The following TAOK3 variants were observed in gnomAD, a reference collection of about 807,000 sequenced individuals.
TAOK3 encodes the protein serine/threonine-protein kinase TAO3.
Under a neutral mutation model 120.4 loss-of-function variants are expected in TAOK3, and 40 were observed. That is an observed-to-expected ratio of 0.33 (90% CI 0.26 to 0.43). The LOEUF (loss-of-function observed/expected upper bound fraction) is 0.43, where lower values mean the gene tolerates loss of function less well. TAOK3 is among the 20% of genes least tolerant of loss of function. TAOK3 has a pLI of 1.00. For missense variants in TAOK3, 821 were observed against 1,112.1 expected, an observed-to-expected ratio of 0.74 and a Z score of 3.72; for synonymous variants, 355 against 387.5, an observed-to-expected ratio of 0.92 and a Z score of 0.99.
In TAOK3 at chr12:118,365,358, G is replaced by C. The variant is rs969321622; in HGVS notation, c.-194+7290C>G. On this transcript the variant is annotated intron_variant, in intron 1 of 20. Coordinates refer to ENST00000392533, the MANE Select transcript of TAOK3 (RefSeq NM_016281.4). Reference sequence around the variant, plus strand: ...AGTGATCCTCCCACCTTAGCCTCCTGAGGAGCTGGGATTAGAGGCGTGCAA... The same window carrying C: ...AGTGATCCTCCCACCTTAGCCTCCTCAGGAGCTGGGATTAGAGGCGTGCAA... 2.6e-5 allele frequency among the ~76,000 whole-genome samples: 4 copies of C among 151,938 alleles called. No individual in the cohort carries two copies. In the East Asian group the frequency reaches 7.8e-4, roughly 29 times the overall value.
At chr12:118,217,937 T>C (rs2039018052) in intron 9 of TAOK3, among the ~76,000 whole-genome samples, 1 of 142,594 alleles carries the variant, frequency 7.0e-6, no homozygotes, top group African/African-American at 2.6e-5. Flanking sequence ...CTAGGCTCAC[T>C]GCAACCTCTG....
intron 1 of TAOK3, among the ~76,000 whole-genome samples, chr12:118,273,636 A>G (rs1310766403): frequency 6.6e-6 from 1 of 152,168 alleles, no homozygotes; most frequent in Non-Finnish European, 1.5e-5. Context: ...TCAACATGGT[A>G]AAACCCGTCT....
At chr12:118,217,456 C>A (rs1237177488) in intron 9 of TAOK3, among the ~76,000 whole-genome samples, 3 of 151,958 alleles carry the variant, frequency 2.0e-5, no homozygotes, top group Non-Finnish European at 4.4e-5. Flanking sequence ...GGAGACTAAG[C>A]GGGCAGATCA....
chr12:118,248,733 A>C (rs2040623908), intron 3 of TAOK3, among the ~76,000 whole-genome samples: 1 of 152,150 alleles, frequency 6.6e-6, no homozygotes, highest in Non-Finnish European at 1.5e-5. Flanking sequence ...TTTGGACCTA[A>C]AAACATGAAA....
chr12:118,198,680 C>A, intron 13 of TAOK3: 1 of 257,048 alleles, frequency 3.9e-6, no homozygotes, highest in Non-Finnish European at 7.7e-6. Flanking sequence ...AGCCACCACG[C>A]CCAGCCAAGA....
intron 8 of TAOK3, among the ~76,000 whole-genome samples, chr12:118,235,302 G>A (rs913978030): frequency 6.6e-6 from 1 of 152,196 alleles, no homozygotes; most frequent in Non-Finnish European, 1.5e-5. Flanking sequence ...CCTGAACTTG[G>A]TCAGTGAATT....
At chr12:118,357,488 G>T (rs7296216) in intron 1 of TAOK3, among the ~76,000 whole-genome samples, 10,739 of 152,170 alleles carry the variant, frequency 0.071, 738 homozygotes, top group East Asian at 0.25. Flanking sequence ...ACTAGAGAAG[G>T]TTAAGCACGT....
intron 1 of TAOK3, among the ~76,000 whole-genome samples, chr12:118,335,151 T>C (rs933375998): frequency 6.6e-6 from 1 of 150,716 alleles, no homozygotes; most frequent in Non-Finnish European, 1.5e-5. Context: ...GCCATCCCAC[T>C]TCAGCCTGGG....
At chr12:118,223,883 GC>G (rs1292643579) in intron 9 of TAOK3, among the ~76,000 whole-genome samples, 1 of 152,076 alleles carries the variant, frequency 6.6e-6, no homozygotes, top group Non-Finnish European at 1.5e-5. Context: ...CAAGTGATCT[GC>G]CCACTTTGGC....
intron 1 of TAOK3, among the ~76,000 whole-genome samples, chr12:118,328,849 T>C (rs2044034561): frequency 6.6e-6 from 1 of 152,244 alleles, no homozygotes; most frequent in African/African-American, 2.4e-5. Flanking sequence ...TAATGGTTTT[T>C]AAATCTGAAA....
intron 1 of TAOK3, among the ~76,000 whole-genome samples, chr12:118,334,137 C>CAAAAAAAAA: frequency 2.6e-5 from 2 of 77,634 alleles, no homozygotes; most frequent in Non-Finnish European, 5.9e-5. Flanking sequence ...CTCCCATCTC[C>CAAAAAAAAA]AAAAAAAAAA....
At chr12:118,218,344 A>G (rs2039043518) in intron 9 of TAOK3, among the ~76,000 whole-genome samples, 1 of 152,144 alleles carries the variant, frequency 6.6e-6, no homozygotes, top group Non-Finnish European at 1.5e-5. Context: ...GGCAACTTCA[A>G]GTACAGTCAT....
chr12:118,371,439 T>C lies in TAOK3; in HGVS notation c.-194+1209A>G, dbSNP rs2045888840. On this transcript the variant is annotated intron_variant, in intron 1 of 20. Transcript: ENST00000392533. The surrounding 1 kb of genome is among the most constrained non-coding windows in gnomAD (Gnocchi z 5.5). ...AGGTCTCTTGATCATTCCAAGATCT[T>C]TGTCCTGCAGCCAGCCCCACCAGCC... Among the ~76,000 whole-genome samples the C allele has an allele frequency of 6.6e-6, 1 of 152,124 alleles. No individual in the cohort carries two copies. The highest frequency in any genetic ancestry group is 6.5e-5 in the Admixed American group (1 of 15,276).
chr12:118,261,533 T>A (rs1453962774), intron 2 of TAOK3: 2 of 152,246 alleles, frequency 1.3e-5, no homozygotes, highest in South Asian at 4.1e-4. Flanking sequence ...TGATGTCTCA[T>A]GTCTGTAATC....
chr12:118,256,496 T>C (rs924983173), intron 2 of TAOK3, among the ~76,000 whole-genome samples: 2 of 152,004 alleles, frequency 1.3e-5, no homozygotes, highest in Non-Finnish European at 2.9e-5. Context: ...AACCAGAAGA[T>C]GGAAAAACCC....
chr12:118,355,782 G>A (rs912769048), intron 1 of TAOK3, among the ~76,000 whole-genome samples: 6 of 152,158 alleles, frequency 3.9e-5, no homozygotes, highest in African/African-American at 1.4e-4. Flanking sequence ...TTCCTTTACA[G>A]TGTGTGGCCA....
chr12:118,345,588 C>T (rs2044821344), intron 1 of TAOK3, among the ~76,000 whole-genome samples: 1 of 151,888 alleles, frequency 6.6e-6, no homozygotes, highest in African/African-American at 2.4e-5. Flanking sequence ...ATGTCAGACA[C>T]TAGCTTATGT....
chr12:118,195,842 A>T (rs1593121057), intron 13 of TAOK3, among the ~76,000 whole-genome samples: 1 of 152,140 alleles, frequency 6.6e-6, no homozygotes, highest in Non-Finnish European at 1.5e-5. Flanking sequence ...CGAGGTCAGG[A>T]GATCGAGACC....
chr12:118,284,673 G>A (rs562124319), intron 1 of TAOK3, among the ~76,000 whole-genome samples: 10 of 152,188 alleles, frequency 6.6e-5, no homozygotes, highest in Admixed American at 1.3e-4. Context: ...AAATGTTGGC[G>A]CAAGGTCGGA....
Sources: allele counts gnomAD v4.1 joint callset (sites outside exome capture counted in the v4.1 genomes callset), GRCh38; gene constraint gnomAD v4.1.1; non-coding constraint Gnocchi (gnomAD v3.1); transcripts MANE v1.5; gene names NCBI Gene and HGNC (gene_info 2026-07-23, HGNC 2026-07-21).